The following IKBKB variants were observed in gnomAD, a reference collection of about 807,000 sequenced individuals.
IKBKB encodes inhibitor of nuclear factor kappa-B kinase subunit beta.
A neutral mutation model predicts 113.6 loss-of-function variants in IKBKB; 42 were observed. The observed-to-expected ratio is 0.37, with a 90% CI of 0.29 to 0.48. The LOEUF (loss-of-function observed/expected upper bound fraction) is 0.48, where lower values mean the gene tolerates loss of function less well. Ranked by LOEUF, IKBKB falls within the 20% of genes least tolerant of loss-of-function variation. IKBKB has a pLI of 0.99. For synonymous variants in IKBKB, 296 were observed against 361.3 expected (o/e 0.82, Z 2.05); for missense variants, 673 against 939.7 (o/e 0.72, Z 3.71).
Position 42,331,395 on chromosome 8 carries a change from A to T in IKBKB, c.*416A>T. On this transcript the variant is annotated 3_prime_UTR_variant, in exon 22 of 22. Coordinates refer to ENST00000520810, the MANE Select transcript of IKBKB (RefSeq NM_001556.3). ...CACGTGACTGGACAGTGTCCAATTCAAATCTTTCAGGGCAGAGTCCGAGCA... is the reference window on the plus strand; with the variant it reads ...CACGTGACTGGACAGTGTCCAATTCTAATCTTTCAGGGCAGAGTCCGAGCA... 1 of 702,854 alleles carries T rather than the reference A, an allele frequency of 1.4e-6. No individual in the cohort carries two copies. Among genetic ancestry groups the T allele is most frequent in the Non-Finnish European group, 2.6e-6 (1 of 384,998 alleles). 43.5% of individuals were successfully genotyped at this position (702,854 alleles called of 1,614,324 possible). A position where few individuals can be genotyped will look rare whatever the true frequency, so the allele number is the denominator to read the frequency against.
rs1819146169 is a variant in IKBKB at position 42,318,567 on chromosome 8, G to C, written c.1256G>C (p.Arg419Thr). Residue 419 changes from arginine (R) to threonine (T), a missense_variant, in exon 13 of 22, where the codon AGG becomes ACG. This residue lies in a region of IKBKB where 506 missense variants were observed against 638.7 expected (regional missense o/e 0.79). Coordinates refer to ENST00000520810, the MANE Select transcript of IKBKB (RefSeq NM_001556.3). ...CTGTCTCCAGTTCAAGAGCCCAAGA[G>C]GAATCTCGCCTTCTTCCAGCTGAGG... is the stretch of plus-strand genomic sequence containing the variant. ...SVSCILQEPK[R>T]NLAFFQLRKV... 1 of 1,613,956 alleles carries C rather than the reference G, an allele frequency of 6.2e-7. No individual in the cohort carries two copies.
At chr8:42,278,462 G>T (rs17875742) in intron 2 of IKBKB, among the ~76,000 whole-genome samples, 3 of 152,248 alleles carry the variant, frequency 2.0e-5, no homozygotes, top group Non-Finnish European at 4.4e-5. Flanking sequence ...ATCAGCTCTC[G>T]GAAGAAATGC....
chr8:42,274,573 C>T (rs1481979978), intron 2 of IKBKB, among the ~76,000 whole-genome samples: 4 of 151,160 alleles, frequency 2.6e-5, no homozygotes, highest in Non-Finnish European at 1.5e-5. Flanking sequence ...GCTCTTGTCG[C>T]CCAGGCTGGA....
intron 19 of IKBKB, among the ~76,000 whole-genome samples, chr8:42,323,025 C>A (rs1820050990): frequency 6.6e-6 from 1 of 152,238 alleles, no homozygotes; most frequent in South Asian, 2.1e-4. Context: ...GTCCTTGCTT[C>A]TTCCAGCTCC....
chr8:42,312,126 A>T (rs945471922), intron 8 of IKBKB, among the ~76,000 whole-genome samples: 4 of 152,076 alleles, frequency 2.6e-5, no homozygotes, highest in Non-Finnish European at 4.4e-5. Context: ...GACCTCGTGA[A>T]CTGCCCGCCT....
At chr8:42,313,536 G>A (rs1563347850) in intron 8 of IKBKB, among the ~76,000 whole-genome samples, 1 of 152,156 alleles carries the variant, frequency 6.6e-6, no homozygotes, top group Non-Finnish European at 1.5e-5. Context: ...ATTTAGCTGT[G>A]TACATTTAGA....
At chr8:42,284,577 G>A (rs113220594) in intron 2 of IKBKB, among the ~76,000 whole-genome samples, 8,623 of 146,368 alleles carry the variant, frequency 0.059, 781 homozygotes, top group African/African-American at 0.2. Flanking sequence ...GCGAGACTCC[G>A]TCTCAAAAAA....
chr8:42,305,555 A>G (rs1450704980), intron 6 of IKBKB, among the ~76,000 whole-genome samples: 1 of 152,178 alleles, frequency 6.6e-6, no homozygotes, highest in Non-Finnish European at 1.5e-5. Flanking sequence ...CTCTGGGACT[A>G]GCGCTTCTTG....
rs542307283 is a variant in IKBKB at position 42,307,332 on chromosome 8, T to G, written c.567+900T>G. ...TGAGAACAAGGTAGAGCACAGATTA[T>G]GAAGGGCCTTCAGGGCTGGGCTAAA... On this transcript the variant is annotated intron_variant, in intron 7 of 21. Coordinates refer to ENST00000520810, the MANE Select transcript of IKBKB (RefSeq NM_001556.3). 6.6e-5 allele frequency among the ~76,000 whole-genome samples: 10 copies of G among 152,260 alleles called. No homozygotes were observed. The South Asian group carries it at 2.1e-3, about 32-fold the overall frequency.
chr8:42,272,826 G>C (rs1161167874), intron 2 of IKBKB, among the ~76,000 whole-genome samples: 7 of 151,404 alleles, frequency 4.6e-5, no homozygotes, highest in African/African-American at 1.7e-4. Flanking sequence ...GTAGTCCCCA[G>C]CTACTTGGGA....
intron 9 of IKBKB, among the ~76,000 whole-genome samples, chr8:42,315,624 A>G (rs1420658735): frequency 1.3e-5 from 2 of 151,982 alleles, no homozygotes; most frequent in African/African-American, 4.8e-5. Flanking sequence ...TATAAAGTGT[A>G]TTTTTAAAAC....
chr8:42,318,466 C>T, intron 12 of IKBKB, 86 bp from the exon 13 acceptor site: 1 of 1,465,098 alleles, frequency 6.8e-7, no homozygotes, highest in Admixed American at 1.9e-5. Flanking sequence ...CGTGAAAGTG[C>T]CAGTAGTGTC....
intron 16 of IKBKB, chr8:42,321,070 T>C (rs968132774): frequency 4.6e-6 from 2 of 438,902 alleles, no homozygotes; most frequent in African/African-American, 4.1e-5. Flanking sequence ...TGAATTCAGA[T>C]AATGCATTTG....
intron 8 of IKBKB, among the ~76,000 whole-genome samples, chr8:42,310,110 A>C (rs1817428630): frequency 6.6e-6 from 1 of 152,238 alleles, no homozygotes; most frequent in Non-Finnish European, 1.5e-5. Context: ...AAAGTTAATT[A>C]TTACTGAAAG....
At chr8:42,319,805 A>T in intron 15 of IKBKB, 159 bp downstream of exon 15, 2 of 629,148 alleles carry the variant, frequency 3.2e-6, no homozygotes, top group Admixed American at 7.0e-5. Context: ...AGAGGCCAAG[A>T]GAGTAGCCAG....
intron 5 of IKBKB, among the ~76,000 whole-genome samples, chr8:42,297,851 C>T (rs764592211): frequency 3.9e-4 from 60 of 151,968 alleles, no homozygotes; most frequent in Non-Finnish European, 7.6e-4. Context: ...GCCGAGATCG[C>T]GCCATTGCAC....
intron 16 of IKBKB, chr8:42,321,302 G>A (rs1412872069): frequency 6.2e-6 from 1 of 162,056 alleles, no homozygotes; most frequent in African/African-American, 2.4e-5. Context: ...GGGCGGAGGG[G>A]TCTAGGCAGA....
Position 42,271,355 on chromosome 8 carries a change from A to G in IKBKB, c.-133A>G. The stretch of plus-strand genomic sequence containing the variant: ...AAGTCGCGCCGCGCTGCCCGCGTTA[A>G]GATTCCCGCATTTTAATGTTTTCAG... On this transcript the variant is annotated 5_prime_UTR_variant, in exon 1 of 22. Transcript: ENST00000520810. 2 of 1,413,204 alleles carry G rather than the reference A, an allele frequency of 1.4e-6. No individual in the cohort carries two copies. The highest frequency in any genetic ancestry group is 9.7e-7 in the Non-Finnish European group (1 of 1,035,646). The allele number at this position is 1,413,204 out of a possible 1,614,324, so 87.5% of individuals were successfully genotyped here. A position where few individuals can be genotyped will look rare whatever the true frequency, so the allele number is the denominator to read the frequency against.
At chr8:42,271,586 G>C (rs1585481321) in intron 1 of IKBKB, 117 bp downstream of exon 1, 1 of 557,570 alleles carries the variant, frequency 1.8e-6, no homozygotes, top group African/African-American at 2.0e-5. Context: ...GCGGACTGGG[G>C]AGCGTTTCAC....
Sources: allele counts gnomAD v4.1 joint callset (sites outside exome capture counted in the v4.1 genomes callset), GRCh38; gene constraint gnomAD v4.1.1; regional missense constraint gnomAD v4.1.1; transcripts MANE v1.5; gene names NCBI Gene and HGNC (gene_info 2026-07-23, HGNC 2026-07-21).